CPE: variants seen among roughly 807,000 people sequenced by gnomAD.
CPE encodes carbocypeptidase E.
A neutral mutation model predicts 53.5 loss-of-function variants in CPE; 17 were observed. The ratio of observed to expected loss-of-function variants is 0.32; its 90% CI spans 0.22 to 0.48. CPE has a LOEUF of 0.48. Among genes scored for constraint, CPE ranks in the 20% least tolerant of loss-of-function variants. CPE has a pLI of 0.99. For missense variants in CPE, 524 were observed against 614.7 expected, an observed-to-expected ratio of 0.85 and a Z score of 1.56; for synonymous variants, 226 against 228.8, an observed-to-expected ratio of 0.99 and a Z score of 0.11.
chr4:165,405,075 T>A, intron 1 of CPE: 12 of 724,028 alleles, frequency 1.7e-5, no homozygotes, highest in Non-Finnish European at 2.3e-5. Flanking sequence ...AGCTTCCCAG[T>A]CAAGTTGCTG....
At chr4:165,453,652 T>C (rs1475563270) in intron 1 of CPE, among the ~76,000 whole-genome samples, 1 of 152,090 alleles carries the variant, frequency 6.6e-6, no homozygotes, top group East Asian at 1.9e-4. Context: ...CCCAAAGTGC[T>C]GAGATTACAG....
At chr4:165,486,216 T>A (rs1732503162) in intron 5 of CPE, among the ~76,000 whole-genome samples, 1 of 148,524 alleles carries the variant, frequency 6.7e-6, no homozygotes, top group Admixed American at 6.7e-5. Flanking sequence ...GGTGGGGGGG[T>A]AGCTGTGAGC....
At chr4:165,456,902 G>A (rs1198807473) in intron 1 of CPE, among the ~76,000 whole-genome samples, 3 of 151,814 alleles carry the variant, frequency 2.0e-5, no homozygotes, top group African/African-American at 4.8e-5. Flanking sequence ...CACCATGCCC[G>A]GCTAATCTTT....
intron 1 of CPE, among the ~76,000 whole-genome samples, chr4:165,395,075 G>A (rs1022337850): frequency 9.9e-5 from 15 of 152,086 alleles, no homozygotes; most frequent in African/African-American, 1.7e-4. Flanking sequence ...AAACTCTACC[G>A]AAATGATTAG....
At chr4:165,448,535 G>T (rs1463808466) in intron 1 of CPE, among the ~76,000 whole-genome samples, 1 of 152,054 alleles carries the variant, frequency 6.6e-6, no homozygotes, top group African/African-American at 2.4e-5. Context: ...AGCAGGAAAT[G>T]CCCCACTTCT....
intron 1 of CPE, chr4:165,406,336 G>A (rs4691192): frequency 0.15 from 82,254 of 534,160 alleles, 7,129 homozygotes; most frequent in African/African-American, 0.29. Flanking sequence ...CCAATCGCCC[G>A]GTAGACCACC....
intron 3 of CPE, among the ~76,000 whole-genome samples, chr4:165,473,261 A>G (rs1732239652): frequency 6.6e-6 from 1 of 152,254 alleles, no homozygotes; most frequent in Admixed American, 6.5e-5. Context: ...TTAATTTAGG[A>G]CAAGAATTTA....
intron 7 of CPE, among the ~76,000 whole-genome samples, chr4:165,494,780 G>A (rs1050000685): frequency 4.6e-5 from 7 of 152,276 alleles, no homozygotes; most frequent in African/African-American, 9.6e-5. Flanking sequence ...TTGATGATAC[G>A]GTGATGGGGG....
chr4:165,496,217 A>C (rs1732703178), intron 8 of CPE, among the ~76,000 whole-genome samples: 3 of 152,192 alleles, frequency 2.0e-5, no homozygotes, highest in Admixed American at 1.3e-4. Flanking sequence ...CCTTTGTATT[A>C]TATGCCTGGG....
At chr4:165,479,250 T>C (rs1013421635) in intron 3 of CPE, among the ~76,000 whole-genome samples, 9 of 152,206 alleles carry the variant, frequency 5.9e-5, no homozygotes, top group Non-Finnish European at 1.0e-4. Flanking sequence ...TCATCTCCCA[T>C]ATTAGTTATT....
intron 1 of CPE, among the ~76,000 whole-genome samples, chr4:165,438,644 G>A (rs752709013): frequency 2.0e-5 from 3 of 152,148 alleles, no homozygotes; most frequent in African/African-American, 4.8e-5. Flanking sequence ...CACGATGAGT[G>A]TTACAAAGTC....
intron 1 of CPE, among the ~76,000 whole-genome samples, chr4:165,430,040 A>G (rs1346683058): frequency 2.7e-5 from 4 of 150,896 alleles, no homozygotes; most frequent in Non-Finnish European, 5.9e-5. Flanking sequence ...CTGAATGGAA[A>G]TATCAAAAAA....
intron 1 of CPE, among the ~76,000 whole-genome samples, chr4:165,408,279 T>C (rs965136513): frequency 1.3e-5 from 2 of 152,096 alleles, no homozygotes; most frequent in African/African-American, 4.8e-5. Flanking sequence ...CTTCTAAGAG[T>C]GTTATAGCTT....
intron 1 of CPE, among the ~76,000 whole-genome samples, chr4:165,412,025 T>C (rs982573030): frequency 1.3e-5 from 2 of 152,160 alleles, no homozygotes; most frequent in African/African-American, 4.8e-5. Flanking sequence ...TTCAAATGTG[T>C]CAACAACTTG....
intron 1 of CPE, among the ~76,000 whole-genome samples, chr4:165,445,773 G>A (rs562607763): frequency 3.8e-4 from 58 of 152,026 alleles, no homozygotes; most frequent in African/African-American, 1.4e-3. Flanking sequence ...ATTATTTTCG[G>A]TTCATTTGAA....
At chr4:165,403,629 A>T (rs1730904893) in intron 1 of CPE, among the ~76,000 whole-genome samples, 1 of 150,218 alleles carries the variant, frequency 6.7e-6, no homozygotes, top group African/African-American at 2.4e-5. Flanking sequence ...TGAAAAGAGG[A>T]TGTTGAAAGC....
At chr4:165,443,425 C>G (rs28425518) in intron 1 of CPE, among the ~76,000 whole-genome samples, 35,083 of 152,012 alleles carry the variant, frequency 0.23, 4,236 homozygotes, top group East Asian at 0.37. Context: ...TAACAAAATA[C>G]CACAGACTGG....
intron 1 of CPE, 107 bp from the exon 2 acceptor site, chr4:165,464,283 C>A: frequency 2.3e-6 from 2 of 888,842 alleles, no homozygotes; most frequent in Non-Finnish European, 3.3e-6. Context: ...GGCATCGCTG[C>A]TGGAGGAAAA....
chr4:165,436,859 T>C (rs564312345), intron 1 of CPE, among the ~76,000 whole-genome samples: 65 of 152,166 alleles, frequency 4.3e-4, no homozygotes, highest in African/African-American at 1.3e-3. Context: ...TTTTGTAGAG[T>C]CGAAGAGGAA....
Sources: gnomAD v4.1 joint callset for allele counts (sites outside exome capture counted in the v4.1 genomes callset) on GRCh38, gnomAD v4.1.1 for gene constraint, MANE v1.5 for transcripts, NCBI Gene and HGNC (gene_info 2026-07-23, HGNC 2026-07-21) for gene names.